The following ARNT2 variants were observed in gnomAD, a reference collection of about 807,000 sequenced individuals.
ARNT2 encodes the protein ARNT protein 2.
In ARNT2, 36 loss-of-function variants were observed where a neutral mutation model predicts 91.7. That is an observed-to-expected ratio of 0.39 (90% CI 0.30 to 0.52). The LOEUF is 0.52. Ranked by LOEUF, ARNT2 falls within the 20% of genes least tolerant of loss-of-function variation. The probability of loss-of-function intolerance (pLI) is 0.72; values close to 1 mark genes in which losing one functional copy is unlikely to be tolerated. For missense variants in ARNT2, 775 were observed against 939.3 expected (o/e 0.83, Z 2.29); for synonymous variants, 365 against 347.1 (o/e 1.05, Z -0.57).
At chr15:80,587,682 C>T (rs1383004774) in intron 17 of ARNT2, among the ~76,000 whole-genome samples, 1 of 152,202 alleles carries the variant, frequency 6.6e-6, no homozygotes, top group Admixed American at 6.5e-5. Flanking sequence ...ACAGCTGGCC[C>T]AGGTGTTATC....
intron 8 of ARNT2, among the ~76,000 whole-genome samples, chr15:80,547,035 AAAG>A (rs1379259002): frequency 6.6e-6 from 1 of 152,166 alleles, no homozygotes; most frequent in East Asian, 1.9e-4. Flanking sequence ...AATGATATAA[AAAG>A]AGACAAGATG....
In ARNT2 at chr15:80,470,294, C is replaced by T; in HGVS notation, c.271C>T (p.Pro91Ser). Residue 91 changes from proline (P) to serine (S), a missense_variant, in exon 4 of 19, where the codon CCC (proline) becomes TCC (serine). Coordinates refer to ENST00000303329, the MANE Select transcript of ARNT2 (RefSeq NM_014862.4). The stretch of plus-strand genomic sequence containing the variant: ...CATCACGGAGCTCTCCGACATGGTC[C>T]CCACATGCAGCGCACTGGCTCGGAA... ...QYITELSDMV[P>S]TCSALARKPD... 1 of 1,614,158 alleles carries T rather than the reference C, an allele frequency of 6.2e-7. No homozygotes were observed. The highest frequency in any genetic ancestry group is 8.5e-7 in the Non-Finnish European group (1 of 1,180,032).
intron 8 of ARNT2, among the ~76,000 whole-genome samples, chr15:80,532,661 G>A (rs951511611): frequency 6.6e-6 from 1 of 152,278 alleles, no homozygotes; most frequent in East Asian, 1.9e-4. Flanking sequence ...GCCACCGTCT[G>A]TAGCAGAAAG....
intron 1 of ARNT2, among the ~76,000 whole-genome samples, chr15:80,448,404 A>C (rs1896336801): frequency 6.6e-6 from 1 of 152,264 alleles, no homozygotes; most frequent in Non-Finnish European, 1.5e-5. Flanking sequence ...CACGCAGGTC[A>C]TCTAATCTCT....
chr15:80,508,800 A>G (rs139426703), intron 6 of ARNT2, among the ~76,000 whole-genome samples: 2 of 152,330 alleles, frequency 1.3e-5, no homozygotes, highest in East Asian at 1.9e-4. Flanking sequence ...TTCTACATAT[A>G]TTTGATTTGT....
At chr15:80,464,234 C>G (rs950240968) in intron 3 of ARNT2, among the ~76,000 whole-genome samples, 1 of 151,756 alleles carries the variant, frequency 6.6e-6, no homozygotes, top group African/African-American at 2.4e-5. Context: ...ACTGGCAGGC[C>G]TGTTCCCAGT....
At chr15:80,424,156 A>G (rs1674763453) in intron 1 of ARNT2, among the ~76,000 whole-genome samples, 2 of 152,192 alleles carry the variant, frequency 1.3e-5, no homozygotes, top group Admixed American at 1.3e-4. Context: ...ATGACTGACC[A>G]GATCTGGGCA....
intron 5 of ARNT2, among the ~76,000 whole-genome samples, chr15:80,503,260 G>C (rs1013881974): frequency 6.6e-6 from 1 of 152,236 alleles, no homozygotes; most frequent in Non-Finnish European, 1.5e-5. Context: ...TCACAACCCA[G>C]TGCTGGGGCG....
At chr15:80,531,932 G>A (rs1045059780) in intron 8 of ARNT2, among the ~76,000 whole-genome samples, 7 of 152,152 alleles carry the variant, frequency 4.6e-5, no homozygotes, top group African/African-American at 1.7e-4. Context: ...ACCCCGCAAA[G>A]GACGCCTGCA....
intron 17 of ARNT2, among the ~76,000 whole-genome samples, chr15:80,588,662 G>A (rs955734945): frequency 3.9e-5 from 6 of 151,928 alleles, no homozygotes; most frequent in African/African-American, 1.5e-4. Flanking sequence ...TCACCATCAG[G>A]CCTTTGAACA....
chr15:80,543,416 T>C (rs1897943497), intron 8 of ARNT2, among the ~76,000 whole-genome samples: 1 of 152,254 alleles, frequency 6.6e-6, no homozygotes, highest in Non-Finnish European at 1.5e-5. Context: ...TGGGCACTTC[T>C]GTATGAGCTC....
At chr15:80,450,577 G>T (rs1896373693) in intron 1 of ARNT2, among the ~76,000 whole-genome samples, 1 of 152,262 alleles carries the variant, frequency 6.6e-6, no homozygotes, top group African/African-American at 2.4e-5. Context: ...CCTCCAGGTG[G>T]TCAGGAGACA....
chr15:80,540,767 A>G (rs1897892643), intron 8 of ARNT2, among the ~76,000 whole-genome samples: 1 of 152,122 alleles, frequency 6.6e-6, no homozygotes, highest in African/African-American at 2.4e-5. Context: ...CTGTTCCTGC[A>G]TTAATTCATT....
intron 6 of ARNT2, among the ~76,000 whole-genome samples, chr15:80,510,121 G>A (rs1897321582): frequency 6.6e-6 from 1 of 152,174 alleles, no homozygotes; most frequent in Admixed American, 6.5e-5. Flanking sequence ...GGTAGAAAGT[G>A]CTCAGATTTT....
intron 2 of ARNT2, 85 bp downstream of exon 2, chr15:80,451,079 C>T (rs1185013838): frequency 1.6e-6 from 2 of 1,271,552 alleles, no homozygotes; most frequent in African/African-American, 1.5e-5. Flanking sequence ...TGTTTCTCCC[C>T]TTCCTGTAGA....
At chr15:80,528,603 C>T (rs938610357) in intron 8 of ARNT2, among the ~76,000 whole-genome samples, 1 of 151,968 alleles carries the variant, frequency 6.6e-6, no homozygotes, top group Non-Finnish European at 1.5e-5. Context: ...GGGAGTGGAC[C>T]GCTCATGAAT....
intron 5 of ARNT2, among the ~76,000 whole-genome samples, chr15:80,499,736 G>C (rs1250683648): frequency 6.6e-6 from 1 of 152,192 alleles, no homozygotes; most frequent in African/African-American, 2.4e-5. Flanking sequence ...GAGTTACTAT[G>C]ATTGGCCCAG....
At chr15:80,506,029 C>T (rs939538251) in intron 5 of ARNT2, among the ~76,000 whole-genome samples, 16 of 150,276 alleles carry the variant, frequency 1.1e-4, no homozygotes, top group African/African-American at 9.8e-5. Flanking sequence ...CTCCGCTTCC[C>T]GGGTTCATGC....
At chr15:80,462,029 C>T (rs753297134) in intron 3 of ARNT2, among the ~76,000 whole-genome samples, 46 of 152,258 alleles carry the variant, frequency 3.0e-4, no homozygotes, top group Admixed American at 5.9e-4. Flanking sequence ...ATAGTGAGGT[C>T]GGCACCAGTC....
Sources: allele counts gnomAD v4.1 joint callset (sites outside exome capture counted in the v4.1 genomes callset), GRCh38; gene constraint gnomAD v4.1.1; transcripts MANE v1.5; gene names NCBI Gene and HGNC (gene_info 2026-07-23, HGNC 2026-07-21).